The following DCDC2C variants were observed in gnomAD, a reference collection of about 807,000 sequenced individuals.
The protein encoded by DCDC2C is doublecortin domain-containing protein 2C.
A neutral mutation model predicts 45.0 loss-of-function variants in DCDC2C; 44 were observed. The ratio of observed to expected loss-of-function variants is 0.98; its 90% CI spans 0.77 to 1.26. The LOEUF is 1.26. Ranked by LOEUF, DCDC2C falls within the 50% of genes most tolerant of loss-of-function variation. The pLI is 0.00. For missense variants in DCDC2C, 447 were observed against 468.9 expected (o/e 0.95, Z 0.43); for synonymous variants, 187 against 178.8 (o/e 1.05, Z -0.37).
intron 10 of DCDC2C, among the ~76,000 whole-genome samples, chr2:3,791,177 T>C (rs892498751): frequency 6.6e-6 from 1 of 152,202 alleles, no homozygotes; most frequent in African/African-American, 2.4e-5. Context: ...GGAGATTCAT[T>C]TGGACTCAAA....
chr2:3,811,009 A>T (rs576927667), intron 10 of DCDC2C, among the ~76,000 whole-genome samples: 1 of 152,330 alleles, frequency 6.6e-6, no homozygotes, highest in Admixed American at 6.5e-5. Context: ...GAAGTCAGGT[A>T]GTGTGATGCC....
chr2:3,752,982 G>T (rs1669586073), intron 5 of DCDC2C, 82 bp downstream of exon 5: 1 of 1,380,900 alleles, frequency 7.2e-7, no homozygotes, highest in Non-Finnish European at 9.8e-7. Context: ...AATAGGTCCA[G>T]TTCAGCTATT....
At chr2:3,738,822 T>C (rs896864225) in intron 3 of DCDC2C, among the ~76,000 whole-genome samples, 1 of 152,204 alleles carries the variant, frequency 6.6e-6, no homozygotes, top group Non-Finnish European at 1.5e-5. Context: ...CATGTACCAG[T>C]GTTTATTTAC....
At chr2:3,745,013 A>T (rs2148113546) in intron 4 of DCDC2C, among the ~76,000 whole-genome samples, 1 of 152,266 alleles carries the variant, frequency 6.6e-6, no homozygotes, top group East Asian at 1.9e-4. Flanking sequence ...TTATTTTTAG[A>T]CTTGCTCTGT....
chr2:3,750,943 C>T (rs1464792414), intron 4 of DCDC2C, among the ~76,000 whole-genome samples: 3 of 152,134 alleles, frequency 2.0e-5, no homozygotes, highest in African/African-American at 7.2e-5. Context: ...TAAGGGCATT[C>T]CTCAGTTTTA....
At chr2:3,842,094 T>C (rs1672228335) in intron 10 of DCDC2C, among the ~76,000 whole-genome samples, 1 of 152,150 alleles carries the variant, frequency 6.6e-6, no homozygotes, top group East Asian at 1.9e-4. Flanking sequence ...CTATTAATCA[T>C]TTTTTAAAAA....
intron 10 of DCDC2C, among the ~76,000 whole-genome samples, chr2:3,793,617 T>A (rs937230042): frequency 6.6e-5 from 10 of 152,248 alleles, no homozygotes; most frequent in Non-Finnish European, 1.3e-4. Context: ...TCTTTGCTAA[T>A]ATCAATACTG....
intron 9 of DCDC2C, among the ~76,000 whole-genome samples, chr2:3,779,390 C>A (rs957117319): frequency 6.6e-6 from 1 of 152,318 alleles, no homozygotes; most frequent in South Asian, 2.1e-4. Context: ...GGTTCTTGCT[C>A]GGTCTTCTTC....
intron 10 of DCDC2C, among the ~76,000 whole-genome samples, chr2:3,836,588 C>T (rs1181806970): frequency 1.3e-5 from 2 of 152,002 alleles, no homozygotes; most frequent in African/African-American, 4.8e-5. Flanking sequence ...GTCGGCGGGG[C>T]GCGGTGGCTC....
chr2:3,713,542 C>T (rs10194537), intron 2 of DCDC2C, among the ~76,000 whole-genome samples: 56,111 of 152,024 alleles, frequency 0.37, 10,929 homozygotes, highest in Middle Eastern at 0.45. Flanking sequence ...CTCCTGGAGA[C>T]CTTGTTGGAA....
chr2:3,722,671 T>G (rs1412077510), intron 2 of DCDC2C, among the ~76,000 whole-genome samples: 1 of 152,192 alleles, frequency 6.6e-6, no homozygotes, highest in African/African-American at 2.4e-5. Context: ...ATCAGATACA[T>G]AAGCTTGACA....
At chr2:3,737,437 T>C (rs979959450) in intron 3 of DCDC2C, among the ~76,000 whole-genome samples, 4 of 152,194 alleles carry the variant, frequency 2.6e-5, no homozygotes, top group East Asian at 1.9e-4. Context: ...TATTTGAAGA[T>C]AGCGTGGCAA....
chr2:3,842,305 C>T (rs1351060584), intron 10 of DCDC2C, among the ~76,000 whole-genome samples: 2 of 152,048 alleles, frequency 1.3e-5, no homozygotes, highest in Non-Finnish European at 2.9e-5. Flanking sequence ...AAATATACCA[C>T]AGAGACAACG....
At chr2:3,789,469 G>C (rs1189168998) in intron 10 of DCDC2C, among the ~76,000 whole-genome samples, 1 of 152,120 alleles carries the variant, frequency 6.6e-6, no homozygotes, top group African/African-American at 2.4e-5. Context: ...TGTTCTGTGA[G>C]TCACCTGTCT....
At chr2:3,838,020 G>C (rs1672123397) in intron 10 of DCDC2C, among the ~76,000 whole-genome samples, 4 of 152,132 alleles carry the variant, frequency 2.6e-5, no homozygotes, top group Admixed American at 1.3e-4. Flanking sequence ...TAAAGAAAAA[G>C]GAAACAAGAA....
chr2:3,763,340 G>A (rs10199811), intron 6 of DCDC2C, among the ~76,000 whole-genome samples: 1,820 of 152,258 alleles, frequency 0.012, 19 homozygotes, highest in Non-Finnish European at 0.018. Context: ...TGGTGGGCCC[G>A]CGACCCAGCG....
chr2:3,843,851 G>C (rs1672268987), intron 10 of DCDC2C, among the ~76,000 whole-genome samples: 2 of 152,036 alleles, frequency 1.3e-5, no homozygotes, highest in Admixed American at 1.3e-4. Context: ...CTTCTCTGAT[G>C]GTACCTCATC....
At chr2:3,764,731 C>T (rs1339606696) in intron 6 of DCDC2C, among the ~76,000 whole-genome samples, 1 of 152,228 alleles carries the variant, frequency 6.6e-6, no homozygotes, top group African/African-American at 2.4e-5. Flanking sequence ...GACAGGCCTA[C>T]ATTCTTCAAA....
intron 10 of DCDC2C, among the ~76,000 whole-genome samples, chr2:3,815,104 A>C (rs919968455): frequency 6.6e-6 from 1 of 152,238 alleles, no homozygotes; most frequent in Non-Finnish European, 1.5e-5. Context: ...TCCAGCTGAG[A>C]GGCTGTTAAG....
Sources: allele counts gnomAD v4.1 joint callset (sites outside exome capture counted in the v4.1 genomes callset), GRCh38; gene constraint gnomAD v4.1.1; transcripts MANE v1.5; gene names NCBI Gene and HGNC (gene_info 2026-07-23, HGNC 2026-07-21).